The following MYO7B variants were observed in gnomAD, a reference collection of about 807,000 sequenced individuals.
MYO7B encodes the protein myosin VIIB, also known as unconventional myosin-VIIb.
Under a neutral mutation model 259.7 loss-of-function variants are expected in MYO7B, and 212 were observed. The ratio of observed to expected loss-of-function variants is 0.82; its 90% confidence interval spans 0.73 to 0.91. MYO7B has a LOEUF of 0.91. MYO7B is among the 40% of genes least tolerant of loss of function. The probability of loss-of-function intolerance (pLI) is 0.00; values close to 1 mark genes in which losing one functional copy is unlikely to be tolerated. For missense variants in MYO7B, 2,732 were observed against 2,813.5 expected (o/e 0.97, Z 0.66); for synonymous variants, 1,197 against 1,166.4 (o/e 1.03, Z -0.54).
chr2:127,594,528 G>T (rs564375966), intron 18 of MYO7B, among the ~76,000 whole-genome samples: 1 of 152,220 alleles, frequency 6.6e-6, no homozygotes, highest in Non-Finnish European at 1.5e-5. Flanking sequence ...GCTAAGATGC[G>T]CGGGAAGAAG....
Position 127,580,122 on chromosome 2 carries a change from C to G in MYO7B, c.1004-624C>G, listed in dbSNP as rs115911845. Among the ~76,000 whole-genome samples the G allele has an allele frequency of 4.5e-3, 679 of 152,252 alleles. 4 individuals carry two copies. The highest frequency in any genetic ancestry group is 0.016 in the African/African-American group (662 of 41,522). ...ACAACACAGCTTTGTGTTTTATGCA[C>G]TTCTTTATCTGTATATTTTATCTCC... is the stretch of plus-strand genomic sequence containing the variant. On this transcript the variant is annotated intron_variant, in intron 9 of 47. Coordinates refer to ENST00000409816, the MANE Select transcript of MYO7B (RefSeq NM_001393586.1).
chr2:127,563,091 T>G (rs138292333), intron 2 of MYO7B, among the ~76,000 whole-genome samples: 144 of 152,322 alleles, frequency 9.5e-4, no homozygotes, highest in African/African-American at 3.0e-3. Flanking sequence ...TGCCAACTCA[T>G]GTCTCATCCT....
At chr2:127,595,364 T>C (rs1211895610) in intron 18 of MYO7B, among the ~76,000 whole-genome samples, 1 of 152,182 alleles carries the variant, frequency 6.6e-6, no homozygotes, top group Non-Finnish European at 1.5e-5. Flanking sequence ...TCTCTTTTCT[T>C]CTTTTTTAGT....
intron 26 of MYO7B, among the ~76,000 whole-genome samples, chr2:127,618,419 GGTAACGATTGGTCA>G (rs1358801073): frequency 1.3e-5 from 2 of 152,162 alleles, no homozygotes; most frequent in Non-Finnish European, 2.9e-5. Context: ...GGGAGGAGGA[GGTAACGATTGGTCA>G]GCTGCTTAAC....
rs1680427727 is a variant in MYO7B, at chr2:127,612,578, T to G, written c.3373T>G (p.Tyr1125Asp). 4 of 1,608,906 alleles carry G rather than the reference T, an allele frequency of 2.5e-6. No individual in the cohort carries two copies. Among genetic ancestry groups the G allele is most frequent in the Non-Finnish European group, 3.4e-6 (4 of 1,177,988 alleles). Residue 1125 changes from tyrosine to aspartate, a missense_variant, in exon 26 of 48, where the codon TAC becomes GAC. Physicochemically the swap from Tyr to Asp is radical, Grantham distance 160. This residue lies in a region of MYO7B where 1,906 missense variants were observed against 2,026.4 expected (regional missense o/e 0.94). Coordinates refer to ENST00000409816, the MANE Select transcript of MYO7B (RefSeq NM_001393586.1). ...GGAGAAGGTGCACTTCATCGTGGGC[T>G]ACGCCATCCTGCGGCCCAGCCTCAG... ...NLEKVHFIVG[Y>D]AILRPSLRDE... is the part of the protein sequence containing the mutation.
chr2:127,535,976 G>A lies in MYO7B; in HGVS notation c.-24+145G>A, dbSNP rs1692757139. The A allele has an allele frequency of 6.5e-6, 1 of 152,780 alleles. No individual in the cohort carries two copies. Among genetic ancestry groups the A allele is most frequent in the African/African-American group, 2.4e-5 (1 of 41,430 alleles). The allele number at this position is 152,780 out of a possible 1,614,324, so 9.5% of individuals were successfully genotyped here. On this transcript the variant is annotated intron_variant, in intron 1 of 47. Transcript: ENST00000409816. The surrounding 1 kb of genome is among the most constrained non-coding windows in gnomAD (Gnocchi z 4.8). Reference sequence around the variant, plus strand: ...GAGTGGAGAAGCCCTTCAGGAGCCTGGAAACCAGAAACCGCAGCAGGGGAC... The same window carrying A: ...GAGTGGAGAAGCCCTTCAGGAGCCTAGAAACCAGAAACCGCAGCAGGGGAC...
intron 8 of MYO7B, 99 bp from the exon 9 acceptor site, chr2:127,578,034 C>T: frequency 7.1e-7 from 1 of 1,417,790 alleles, no homozygotes; most frequent in Non-Finnish European, 9.6e-7. Context: ...CGTGGTCCAC[C>T]CATTGCCTAT....
intron 26 of MYO7B, among the ~76,000 whole-genome samples, chr2:127,617,497 T>TG (rs1407080326): frequency 7.0e-4 from 91 of 129,750 alleles, no homozygotes; most frequent in African/African-American, 2.7e-3. Context: ...GTTTTTTTTT[T>TG]TTTTTTTTTT....
chr2:127,561,460 C>T (rs1412309924), intron 2 of MYO7B, among the ~76,000 whole-genome samples: 3 of 151,978 alleles, frequency 2.0e-5, no homozygotes, highest in East Asian at 1.9e-4. Context: ...GGTTTCACCA[C>T]GTTGGCCAAG....
Position 127,627,086 on chromosome 2 carries a change from C to A in MYO7B, c.4327C>A (p.Leu1443Ile). The A allele has an allele frequency of 2.5e-6, 4 of 1,610,610 alleles. No homozygotes were observed. The highest frequency in any genetic ancestry group is 3.4e-6 in the Non-Finnish European group (4 of 1,178,818). The stretch of plus-strand genomic sequence containing the variant: ...CTCCCGGCTCTTCGAAGTCATCACA[C>A]TCTCAGGTAATGGCATCTGACAGGG... ...LFSRLFEVIT[L>I]SGPRLPKTQL... Residue 1443 changes from leucine to isoleucine, a missense_variant, in exon 32 of 48, where the codon CTC becomes ATC. Leu to Ile is a conservative substitution (Grantham distance 5). Transcript: ENST00000409816. The surrounding 1 kb of genome is among the most constrained non-coding windows in gnomAD (Gnocchi z 5.6).
intron 38 of MYO7B, 132 bp downstream of exon 38, chr2:127,631,885 A>T: frequency 8.0e-7 from 1 of 1,253,534 alleles, no homozygotes. Flanking sequence ...CTGCCTCAGC[A>T]GTGGGAAGGG....
chr2:127,609,363 T>G lies in MYO7B; in HGVS notation c.2815-143T>G. 1.4e-6 allele frequency: 1 copy of G among 731,860 alleles called. No homozygotes were observed. The highest frequency in any genetic ancestry group is 1.8e-5 in the African/African-American group (1 of 57,048). The allele number at this position is 731,860 out of a possible 1,614,324, so 45.3% of individuals were successfully genotyped here. A position where few individuals can be genotyped will look rare whatever the true frequency, so the allele number is the denominator to read the frequency against. Reference sequence around the variant, plus strand: ...CGGCAGCCCACCTGAGCCCACTGAATGTGGGGATGGGTGGTCTCCAGCACC... The same window carrying G: ...CGGCAGCCCACCTGAGCCCACTGAAGGTGGGGATGGGTGGTCTCCAGCACC... On this transcript the variant is annotated intron_variant, in intron 22 of 47. Coordinates refer to ENST00000409816, the MANE Select transcript of MYO7B (RefSeq NM_001393586.1). This position sits in a 1 kb window ranked among gnomAD's most constrained non-coding sequence, Gnocchi z 6.9.
At chr2:127,553,487 T>G (rs1897168) in intron 1 of MYO7B, among the ~76,000 whole-genome samples, 27,228 of 152,108 alleles carry the variant, frequency 0.18, 4,610 homozygotes, top group African/African-American at 0.44. Context: ...CTTGGTTAGG[T>G]ATATGCTTAA....
chr2:127,604,750 CAG>C (rs1051206676), intron 19 of MYO7B, among the ~76,000 whole-genome samples: 2 of 152,032 alleles, frequency 1.3e-5, no homozygotes, highest in African/African-American at 2.4e-5. Context: ...AACAGGGAAA[CAG>C]AGAAAAGAGA....
intron 5 of MYO7B, among the ~76,000 whole-genome samples, chr2:127,567,778 C>G (rs550866008): frequency 6.6e-6 from 1 of 152,304 alleles, no homozygotes; most frequent in Non-Finnish European, 1.5e-5. Context: ...GGACCAGAAT[C>G]CCTTCCTCAG....
At chr2:127,634,511 C>G in intron 41 of MYO7B, 85 bp from the exon 42 acceptor site, 1 of 1,243,074 alleles carries the variant, frequency 8.0e-7, no homozygotes. Context: ...AGGCCGTAGG[C>G]GGCCACTGGA....
intron 1 of MYO7B, among the ~76,000 whole-genome samples, chr2:127,556,294 A>G (rs1693632740): frequency 6.6e-6 from 1 of 152,158 alleles, no homozygotes; most frequent in Admixed American, 6.5e-5. Context: ...CTTTTGTGTT[A>G]GGTGATTTTC....
chr2:127,553,369 G>A (rs894776373), intron 1 of MYO7B, among the ~76,000 whole-genome samples: 1 of 152,104 alleles, frequency 6.6e-6, no homozygotes, highest in South Asian at 2.1e-4. Flanking sequence ...ATTTCACAAC[G>A]TTGATTCTAC....
At chr2:127,548,372 C>A (rs1158812856) in intron 1 of MYO7B, among the ~76,000 whole-genome samples, 1 of 149,700 alleles carries the variant, frequency 6.7e-6, no homozygotes, top group African/African-American at 2.4e-5. Context: ...CTTCTTCTTT[C>A]TCTAGTTTCC....
Sources: allele counts gnomAD v4.1 joint callset (sites outside exome capture counted in the v4.1 genomes callset), GRCh38; gene constraint gnomAD v4.1.1; regional missense constraint gnomAD v4.1.1; non-coding constraint Gnocchi (gnomAD v3.1); transcripts MANE v1.5; gene names NCBI Gene and HGNC (gene_info 2026-07-23, HGNC 2026-07-21).